The following KCNQ1 variants were observed in gnomAD, a reference collection of about 807,000 sequenced individuals.
The protein encoded by KCNQ1 is potassium voltage-gated channel subfamily Q member 1, also known as potassium voltage-gated channel subfamily KQT member 1.
A neutral mutation model predicts 72.4 loss-of-function variants in KCNQ1; 49 were observed. The observed-to-expected ratio is 0.68, with a 90% confidence interval of 0.54 to 0.86. The LOEUF (loss-of-function observed/expected upper bound fraction) is 0.86, where lower values mean the gene tolerates loss of function less well. Among genes scored for constraint, KCNQ1 ranks in the 40% least tolerant of loss-of-function variants. The probability of loss-of-function intolerance (pLI) is 0.00; values close to 1 mark genes in which losing one functional copy is unlikely to be tolerated. For missense variants in KCNQ1, 790 were observed against 945.1 expected (o/e 0.84, Z 2.15); for synonymous variants, 450 against 412.6 (o/e 1.09, Z -1.10).
Position 2,733,774 on chromosome 11 carries a change from C to CCACACACACACACACACACA in KCNQ1, c.1515-35048_1515-35029dup, listed in dbSNP as rs144399150. ...GGGCAGGAGGGGGACTTCAGGCCTT[C>CCACACACACACACACACACA]CACACACACACACACACACACACAC... On this transcript the variant is annotated intron_variant, in intron 11 of 15. Coordinates refer to ENST00000155840, the MANE Select transcript of KCNQ1 (RefSeq NM_000218.3). Among the ~76,000 whole-genome samples, 485 of 57,346 alleles carry CCACACACACACACACACACA rather than the reference C, an allele frequency of 8.5e-3. 15 individuals are homozygous for CCACACACACACACACACACA. The highest frequency in any genetic ancestry group is 0.026 in the Middle Eastern group (2 of 78). The allele number at this position is 57,346 out of a possible 152,430, so 37.6% of individuals were successfully genotyped here.
intron 1 of KCNQ1, among the ~76,000 whole-genome samples, chr11:2,520,652 G>C (rs939751124): frequency 3.9e-5 from 6 of 152,164 alleles, no homozygotes; most frequent in Non-Finnish European, 5.9e-5. Context: ...CAGCAGCCCT[G>C]GAGCCGGCAG....
rs1850872457 is a variant in KCNQ1 at position 2,704,379 on chromosome 11, A to G, written c.1514+42298A>G. ...CCCATGAGACGGCTATTCCTTTGAG[A>G]CATGTTTACTTGACTTCCTGCCCCA... On this transcript the variant is annotated intron_variant, in intron 11 of 15. Transcript: ENST00000155840. This position sits in a 1 kb window ranked among gnomAD's most constrained non-coding sequence, Gnocchi z 4.3. 1.3e-5 allele frequency among the ~76,000 whole-genome samples: 2 copies of G among 152,220 alleles called. No homozygotes were observed. Among genetic ancestry groups the G allele is most frequent in the South Asian group, 4.2e-4 (2 of 4,810 alleles).
intron 1 of KCNQ1, among the ~76,000 whole-genome samples, chr11:2,496,595 T>A (rs1238505089): frequency 6.9e-6 from 1 of 144,636 alleles, no homozygotes; most frequent in Non-Finnish European, 1.5e-5. Flanking sequence ...ATGAGATGGA[T>A]CTCCTGAATA....
Position 2,659,045 on chromosome 11 carries a change from C to A in KCNQ1, c.1394-2916C>A. 1 of 398,576 alleles carries A rather than the reference C, an allele frequency of 2.5e-6. No homozygotes were observed. The highest frequency in any genetic ancestry group is 1.3e-4 in the South Asian group (1 of 7,848). 24.7% of individuals were successfully genotyped at this position (398,576 alleles called of 1,614,324 possible). A position where few individuals can be genotyped will look rare whatever the true frequency, so the allele number is the denominator to read the frequency against. ...TCCTCCTTTCCTTTCACTGCTATGTCATTTGTTTGTAACACGCTCATCATA... is the reference window on the plus strand; with the variant it reads ...TCCTCCTTTCCTTTCACTGCTATGTAATTTGTTTGTAACACGCTCATCATA... On this transcript the variant is annotated intron_variant, in intron 10 of 15. Coordinates refer to ENST00000155840, the MANE Select transcript of KCNQ1 (RefSeq NM_000218.3). This position sits in a 1 kb window ranked among gnomAD's most constrained non-coding sequence, Gnocchi z 4.3.
In KCNQ1 at chr11:2,542,668, G is replaced by A. The variant is rs567209112; in HGVS notation, c.477+14650G>A. 2.0e-5 allele frequency among the ~76,000 whole-genome samples: 3 copies of A among 152,256 alleles called. No homozygotes were observed. In the South Asian group the frequency reaches 6.2e-4, roughly 32 times the overall value. On this transcript the variant is annotated intron_variant, in intron 2 of 15. Coordinates refer to ENST00000155840, the MANE Select transcript of KCNQ1 (RefSeq NM_000218.3). ...CCTGGTCTGTCTTGTCAGTGTAGAC[G>A]GTTGGCGTTTTCTGGGGCTTGTTGT... is the stretch of plus-strand genomic sequence containing the variant.
rs193228355 is a variant in KCNQ1, at chr11:2,464,701, C to G, written c.386+19217C>G. 2.5e-3 allele frequency among the ~76,000 whole-genome samples: 386 copies of G among 152,210 alleles called. 1 individual carries two copies. The highest frequency in any genetic ancestry group is 7.8e-3 in the African/African-American group (324 of 41,534). On this transcript the variant is annotated intron_variant, in intron 1 of 15. Transcript: ENST00000155840. This position sits in a 1 kb window ranked among gnomAD's most constrained non-coding sequence, Gnocchi z 5.0. The stretch of plus-strand genomic sequence containing the variant: ...TCTCAGGGGCCAGGATTACATGGTC[C>G]GTGTTGGACTCTGGGATGCTGGTGG...
intron 1 of KCNQ1, among the ~76,000 whole-genome samples, chr11:2,503,621 C>CATG (rs1352701393): frequency 6.6e-6 from 1 of 151,860 alleles, no homozygotes; most frequent in African/African-American, 2.4e-5. Flanking sequence ...AGCACACCAA[C>CATG]ATGGCACATG....
intron 10 of KCNQ1, chr11:2,646,746 G>A (rs970064622): frequency 2.0e-5 from 8 of 398,384 alleles, no homozygotes; most frequent in Non-Finnish European, 3.5e-5. Flanking sequence ...AAACTCCTGG[G>A]CTCAAGCAAT....
At position 2,620,362 on chromosome 11, in the gene KCNQ1, A is replaced by G. The variant is rs562715533; in HGVS notation, c.1393+31508A>G. 4.9e-6 allele frequency: 1 copy of G among 204,042 alleles called. No homozygotes were observed. The highest frequency in any genetic ancestry group is 9.6e-6 in the Non-Finnish European group (1 of 103,880). The allele number at this position is 204,042 out of a possible 1,614,324, so 12.6% of individuals were successfully genotyped here. A position where few individuals can be genotyped will look rare whatever the true frequency, so the allele number is the denominator to read the frequency against. On this transcript the variant is annotated intron_variant, in intron 10 of 15. Transcript: ENST00000155840. The surrounding 1 kb of genome is among the most constrained non-coding windows in gnomAD (Gnocchi z 4.5). ...CTCCTGAGTAGCTGGGATTAGAGGC[A>G]TGCGCCACCACGTCCAGCTAATTTT...
chr11:2,549,212 C>T lies in KCNQ1; in HGVS notation c.477+21194C>T, dbSNP rs971242377. 3.9e-5 allele frequency among the ~76,000 whole-genome samples: 6 copies of T among 152,138 alleles called. No homozygotes were observed. The highest frequency in any genetic ancestry group is 1.4e-4 in the African/African-American group (6 of 41,440). ...TAGGTCCCCAGCACGTGCTAGTGGC[C>T]ATCAGCAGGCTACAGCATCCAGCCA... On this transcript the variant is annotated intron_variant, in intron 2 of 15. Coordinates refer to ENST00000155840, the MANE Select transcript of KCNQ1 (RefSeq NM_000218.3). The surrounding 1 kb of genome is among the most constrained non-coding windows in gnomAD (Gnocchi z 6.2).
chr11:2,609,432 G>T, intron 10 of KCNQ1: 1 of 398,324 alleles, frequency 2.5e-6, no homozygotes, highest in South Asian at 1.3e-4. Flanking sequence ...TTTGTTTCGT[G>T]ACTTAGCATA....
intron 11 of KCNQ1, among the ~76,000 whole-genome samples, chr11:2,742,562 T>C (rs1846073929): frequency 6.6e-6 from 1 of 152,240 alleles, no homozygotes; most frequent in East Asian, 1.9e-4. Context: ...GTTTACACTT[T>C]GCAGCTGAAT....
chr11:2,551,696 G>A (rs976486956), intron 2 of KCNQ1, among the ~76,000 whole-genome samples: 4 of 152,196 alleles, frequency 2.6e-5, no homozygotes, highest in African/African-American at 4.8e-5. Context: ...CAAAATGGTA[G>A]GCCCGTTTTC....
At chr11:2,570,479 C>T (rs1848313145) in intron 2 of KCNQ1, 149 bp from the exon 3 acceptor site, 3 of 1,006,936 alleles carry the variant, frequency 3.0e-6, no homozygotes, top group Non-Finnish European at 4.5e-6. Context: ...CAGGCATCAC[C>T]ATCCGCAGCA....
In KCNQ1 at chr11:2,526,538, C is replaced by T. The variant is rs900845162; in HGVS notation, c.387-1390C>T. On this transcript the variant is annotated intron_variant, in intron 1 of 15. Coordinates refer to ENST00000155840, the MANE Select transcript of KCNQ1 (RefSeq NM_000218.3). The surrounding 1 kb of genome is among the most constrained non-coding windows in gnomAD (Gnocchi z 6.1). ...TACCAGAGGCCAGGAAAGGATTGTC[C>T]TGTCCACAGGAGCTTGGGGAAGGGG... 6.6e-6 allele frequency among the ~76,000 whole-genome samples: 1 copy of T among 151,964 alleles called. No individual in the cohort carries two copies. Among genetic ancestry groups the T allele is most frequent in the Non-Finnish European group, 1.5e-5 (1 of 67,966 alleles).
chr11:2,542,192 C>G (rs1847838188), intron 2 of KCNQ1, among the ~76,000 whole-genome samples: 1 of 152,240 alleles, frequency 6.6e-6, no homozygotes, highest in East Asian at 1.9e-4. Context: ...ATATCAGGAC[C>G]TCAGTTCCTG....
At chr11:2,607,028 G>A (rs111331313) in intron 10 of KCNQ1, among the ~76,000 whole-genome samples, 8,839 of 148,674 alleles carry the variant, frequency 0.059, 591 homozygotes, top group African/African-American at 0.16. Flanking sequence ...TCAGCCTCCC[G>A]AGTAGCTGGG....
At chr11:2,835,269 GC>G (rs1450153993) in intron 15 of KCNQ1, among the ~76,000 whole-genome samples, 11 of 151,840 alleles carry the variant, frequency 7.2e-5, no homozygotes, top group Non-Finnish European at 1.6e-4. Context: ...CCTGGCTGTT[GC>G]CCCCCTGCAC....
intron 11 of KCNQ1, chr11:2,680,655 T>C: frequency 2.5e-6 from 1 of 398,582 alleles, no homozygotes; most frequent in Admixed American, 4.4e-5. Flanking sequence ...ATTGATAGTC[T>C]CACTACAGGA....
Sources: allele counts gnomAD v4.1 joint callset (sites outside exome capture counted in the v4.1 genomes callset), GRCh38; gene constraint gnomAD v4.1.1; non-coding constraint Gnocchi (gnomAD v3.1); transcripts MANE v1.5; gene names NCBI Gene and HGNC (gene_info 2026-07-23, HGNC 2026-07-21).